EDA2R: variants seen among roughly 807,000 people sequenced by gnomAD.
EDA2R encodes ectodysplasin A2 receptor.
In EDA2R, 26 loss-of-function variants were observed where a neutral mutation model predicts 20.1. The observed-to-expected ratio is 1.30, with a 90% CI of 0.95 to 1.80. The LOEUF (loss-of-function observed/expected upper bound fraction) is 1.80. Ranked by LOEUF, EDA2R falls within the 40% of genes most tolerant of loss-of-function variation. The pLI is 0.00. For missense variants in EDA2R, 277 were observed against 228.7 expected, an observed-to-expected ratio of 1.21 and a Z score of -1.36; for synonymous variants, 114 against 88.7, an observed-to-expected ratio of 1.29 and a Z score of -1.60.
intron 1 of EDA2R, among the ~76,000 whole-genome samples, chrX:66,618,807 AAG>A (rs1216483322): frequency 2.7e-5 from 3 of 112,524 alleles, no homozygotes; most frequent in Non-Finnish European, 5.6e-5. Flanking sequence ...CCATCAAAAA[AAG>A]AGCAAAGCTC....
intron 1 of EDA2R, among the ~76,000 whole-genome samples, chrX:66,629,491 A>G (rs1933492980): frequency 8.9e-6 from 1 of 112,051 alleles, no homozygotes; most frequent in African/African-American, 3.2e-5. Context: ...AACTCAACGA[A>G]GTTTCCAGAT....
chrX:66,626,200 T>G (rs777567906), intron 1 of EDA2R, among the ~76,000 whole-genome samples: 2 of 112,027 alleles, frequency 1.8e-5, no homozygotes, highest in Non-Finnish European at 3.8e-5. Context: ...TTCAGGAGAT[T>G]AGTTATTAAG....
chrX:66,607,360 C>A (rs1411101564), intron 2 of EDA2R, among the ~76,000 whole-genome samples: 3 of 112,041 alleles, frequency 2.7e-5, no homozygotes, highest in African/African-American at 9.7e-5. Flanking sequence ...AATGGCGATA[C>A]ATGACAAAAA....
At chrX:66,614,678 G>A (rs779683019) in intron 2 of EDA2R, among the ~76,000 whole-genome samples, 7 of 111,828 alleles carry the variant, frequency 6.3e-5, no homozygotes, top group East Asian at 2.8e-4. Flanking sequence ...ATATCCCTGC[G>A]CCTTATTCTC....
At chrX:66,627,327 T>A (rs1933199306) in intron 1 of EDA2R, among the ~76,000 whole-genome samples, 1 of 112,022 alleles carries the variant, frequency 8.9e-6, no homozygotes, top group Non-Finnish European at 1.9e-5. Flanking sequence ...ACTTAAGAAA[T>A]ACAGAACTGC....
intron 6 of EDA2R, among the ~76,000 whole-genome samples, chrX:66,598,378 G>A (rs908828425): frequency 1.8e-5 from 2 of 112,029 alleles, no homozygotes. Context: ...CTATCTTAAA[G>A]CAGAGGAAAC....
chrX:66,607,086 T>C (rs1348641139), intron 2 of EDA2R, among the ~76,000 whole-genome samples: 2 of 111,851 alleles, frequency 1.8e-5, no homozygotes, highest in Admixed American at 9.5e-5. Flanking sequence ...CATGGAGGAA[T>C]TTAGAAAGGT....
In EDA2R at chrX:66,596,203, G is replaced by A; in HGVS notation, c.*1901C>T. 1 of 109,950 alleles carries A rather than the reference G, an allele frequency of 9.1e-6. No homozygotes were observed. Among genetic ancestry groups the A allele is most frequent in the South Asian group, 3.9e-4 (1 of 2,581 alleles). The allele number at this position is 109,950 out of a possible 1,213,427, so 9.1% of individuals were successfully genotyped here. On this transcript the variant is annotated 3_prime_UTR_variant, in exon 7 of 7. Coordinates refer to ENST00000374719, the MANE Select transcript of EDA2R (RefSeq NM_021783.5). ...TCTTCCACTGACCAATAACCCCTTT[G>A]TAGAAAGACACATAAAAGCACAGTG...
At chrX:66,636,327 CCA>C (rs1016756689) in intron 1 of EDA2R, among the ~76,000 whole-genome samples, 3 of 111,697 alleles carry the variant, frequency 2.7e-5, no homozygotes, top group African/African-American at 9.8e-5. Flanking sequence ...TACTTCAAAA[CCA>C]CAGAGTCATA....
Position 66,616,014 on chromosome X carries a change from A to G in EDA2R, c.7T>C (p.Cys3Arg). The change falls in exon 2 of 7, where the codon TGC (cysteine) becomes CGC (arginine). Residue 3 changes from cysteine (C) to arginine (R), a missense_variant. Cys to Arg is a radical substitution (Grantham distance 180). Transcript: ENST00000374719. ...TGGTCCCAGTACTCATTTTCTTGGC[A>G]ATCCATGGTGGGAAGGCTGTGGGTA... is the stretch of plus-strand genomic sequence containing the variant. Reference protein sequence around the residue: MDCQENEYWDQWG... With the variant: MDRQENEYWDQWG... 8.3e-7 allele frequency: 1 copy of G among 1,205,523 alleles called. No individual in the cohort carries two copies. The highest frequency in any genetic ancestry group is 1.1e-6 in the Non-Finnish European group (1 of 890,381).
At chrX:66,602,850 C>T in intron 4 of EDA2R, 53 bp from the exon 5 acceptor site, 1 of 1,062,276 alleles carries the variant, frequency 9.4e-7, no homozygotes, top group Middle Eastern at 3.6e-4. Context: ...TAAACAGTCA[C>T]CCTGACCCTG....
Position 66,597,964 on chromosome X carries a change from G to A in EDA2R, c.*140C>T. The A allele has an allele frequency of 2.4e-6, 2 of 820,344 alleles. No individual in the cohort carries two copies. Among genetic ancestry groups the A allele is most frequent in the Non-Finnish European group, 3.2e-6 (2 of 633,057 alleles). 67.6% of individuals were successfully genotyped at this position (820,344 alleles called of 1,213,427 possible). A position where few individuals can be genotyped will look rare whatever the true frequency, so the allele number is the denominator to read the frequency against. Reference sequence around the variant, plus strand: ...GAGAATCAATCCTCTGGTGGGATGGGATAGGATATGCCCCATCTGTAGGGT... The same window carrying A: ...GAGAATCAATCCTCTGGTGGGATGGAATAGGATATGCCCCATCTGTAGGGT... On this transcript the variant is annotated 3_prime_UTR_variant, in exon 7 of 7. Coordinates refer to ENST00000374719, the MANE Select transcript of EDA2R (RefSeq NM_021783.5).
intron 1 of EDA2R, among the ~76,000 whole-genome samples, chrX:66,631,132 C>T (rs1028826134): frequency 9.1e-6 from 1 of 109,959 alleles, no homozygotes; most frequent in Admixed American, 9.7e-5. Flanking sequence ...ACTGTATGTT[C>T]CCACTGATAT....
At chrX:66,630,822 TACACAC>T (rs768792873) in intron 1 of EDA2R, among the ~76,000 whole-genome samples, 5 of 93,692 alleles carry the variant, frequency 5.3e-5, no homozygotes, top group African/African-American at 1.9e-4. Flanking sequence ...TATATATATA[TACACAC>T]ACACACACAC....
chrX:66,632,199 G>T (rs2148034637), intron 1 of EDA2R, among the ~76,000 whole-genome samples: 1 of 112,073 alleles, frequency 8.9e-6, no homozygotes, highest in African/African-American at 3.2e-5. Context: ...CGAGGCAGGT[G>T]GATCACTTGA....
At chrX:66,601,213 T>A (rs902875235) in intron 5 of EDA2R, among the ~76,000 whole-genome samples, 2 of 112,055 alleles carry the variant, frequency 1.8e-5, no homozygotes, top group African/African-American at 6.5e-5. Flanking sequence ...CCATCTCTCT[T>A]CTTCTGAGGC....
chrX:66,621,118 A>C (rs1208025039), intron 1 of EDA2R, among the ~76,000 whole-genome samples: 5 of 110,884 alleles, frequency 4.5e-5, no homozygotes, highest in Non-Finnish European at 9.5e-5. Flanking sequence ...ATCTACTAAA[A>C]ATACAAAAAT....
chrX:66,632,863 C>T (rs1933970804), intron 1 of EDA2R, among the ~76,000 whole-genome samples: 2 of 111,867 alleles, frequency 1.8e-5, no homozygotes, highest in African/African-American at 6.5e-5. Flanking sequence ...GGGCTACTTT[C>T]AACATTTCCA....
In EDA2R at chrX:66,605,090, C is replaced by A. The variant is rs771845504; in HGVS notation, c.224G>T (p.Cys75Phe). 3.3e-6 allele frequency: 4 copies of A among 1,208,920 alleles called. No homozygotes were observed. In the South Asian group the frequency reaches 7.1e-5, roughly 21 times the overall value. ...AVINRVQKVN[C>F]TATSNAVCGD... Reference sequence around the variant, plus strand: ...ACAGACAGCATTAGAGGTAGCTGTGCAGTTGACCTTCTGAACACGATTGAT... The same window carrying A: ...ACAGACAGCATTAGAGGTAGCTGTGAAGTTGACCTTCTGAACACGATTGAT... The change falls in exon 3 of 7, where the codon TGC becomes TTC. Residue 75 changes from cysteine (C) to phenylalanine (F), a missense_variant. Cys to Phe is a radical substitution (Grantham distance 205). Coordinates refer to ENST00000374719, the MANE Select transcript of EDA2R (RefSeq NM_021783.5).
Sources: allele counts gnomAD v4.1 joint callset (sites outside exome capture counted in the v4.1 genomes callset), GRCh38; gene constraint gnomAD v4.1.1; transcripts MANE v1.5; gene names NCBI Gene and HGNC (gene_info 2026-07-23, HGNC 2026-07-21).